The following SORBS3 variants were observed in gnomAD, a reference collection of about 807,000 sequenced individuals.
SORBS3 encodes vinexin.
SORBS3 carries 69 observed loss-of-function variants against 98.0 expected under a neutral mutation model. That is an observed-to-expected ratio of 0.70 (90% CI 0.58 to 0.86). The LOEUF (loss-of-function observed/expected upper bound fraction) is 0.86, where lower values mean the gene tolerates loss of function less well. Ranked by LOEUF, SORBS3 falls within the 40% of genes least tolerant of loss-of-function variation. The pLI is 0.00. For synonymous variants in SORBS3, 394 were observed against 355.4 expected, an observed-to-expected ratio of 1.11 and a Z score of -1.22; for missense variants, 954 against 908.5, an observed-to-expected ratio of 1.05 and a Z score of -0.64.
rs753608739 is a variant in SORBS3, at chr8:22,554,651, G to C, written c.102+43G>C. Reference sequence around the variant, plus strand: ...GAGGAGGGTGTCCTGCGGGCCCGGAGTTGGTTGGGACGCTAGCAGGTCAGG... The same window carrying C: ...GAGGAGGGTGTCCTGCGGGCCCGGACTTGGTTGGGACGCTAGCAGGTCAGG... On this transcript the variant is annotated intron_variant, in intron 2 of 20. Transcript: ENST00000240123. The surrounding 1 kb of genome is among the most constrained non-coding windows in gnomAD (Gnocchi z 6.5). 1.3e-6 allele frequency: 2 copies of C among 1,571,698 alleles called. No homozygotes were observed. Among genetic ancestry groups the C allele is most frequent in the Non-Finnish European group, 1.7e-6 (2 of 1,162,326 alleles).
upstream of SORBS3, among the ~76,000 whole-genome samples, chr8:22,551,371 A>AT (rs1840078075): frequency 6.6e-6 from 1 of 150,926 alleles, no homozygotes; most frequent in East Asian, 2.0e-4. The surrounding 1 kb of genome is among the most constrained non-coding windows in gnomAD (Gnocchi z 5.8). Flanking sequence ...GGGCGCCCTC[A>AT]TCTCGCTCCC....
intron 12 of SORBS3, 77 bp from the exon 13 acceptor site, chr8:22,566,268 G>T (rs1188575104): frequency 8.0e-6 from 12 of 1,505,340 alleles, no homozygotes; most frequent in African/African-American, 2.8e-5. Context: ...GGCGATGGGG[G>T]GTCAGAGCGG....
chr8:22,551,487 C>T (rs147390393), upstream of SORBS3, among the ~76,000 whole-genome samples: 450 of 152,270 alleles, frequency 3.0e-3, 3 homozygotes, highest in African/African-American at 0.01. The surrounding 1 kb of genome is among the most constrained non-coding windows in gnomAD (Gnocchi z 5.8). Context: ...GCTGCGAGGC[C>T]GCTCGCTTCC....
At chr8:22,566,753 C>T (rs1840434144) in intron 14 of SORBS3, 40 bp downstream of exon 14, 2 of 1,613,432 alleles carry the variant, frequency 1.2e-6, no homozygotes, top group Admixed American at 1.7e-5. Context: ...GGAGTGGTCC[C>T]AAGGCTGCCA....
chr8:22,561,717 C>T (rs924565402), intron 6 of SORBS3, 148 bp from the exon 7 acceptor site: 1 of 709,386 alleles, frequency 1.4e-6, no homozygotes. Context: ...GTTCAGTGTC[C>T]CTGAGCACCA....
chr8:22,557,221 G>C (rs1349574965), intron 4 of SORBS3, among the ~76,000 whole-genome samples: 1 of 151,508 alleles, frequency 6.6e-6, no homozygotes, highest in Non-Finnish European at 1.5e-5. Context: ...CATATCCCCA[G>C]GGCCTGTCAC....
At chr8:22,556,287 T>C (rs1840181576) in intron 3 of SORBS3, among the ~76,000 whole-genome samples, 2 of 152,122 alleles carry the variant, frequency 1.3e-5, no homozygotes, top group African/African-American at 4.8e-5. Context: ...TTTACAGAAG[T>C]GGAAACTGAG....
intron 18 of SORBS3, 169 bp from the exon 19 acceptor site, chr8:22,571,549 T>G: frequency 1.6e-6 from 1 of 620,368 alleles, no homozygotes; most frequent in Non-Finnish European, 2.9e-6. Context: ...AATGAAATAG[T>G]CACAGCAGGT....
rs1241001379 is a variant in SORBS3, at chr8:22,564,363, G to A, written c.756G>A (p.Gly252=). The change falls in exon 9 of 21, where the codon GGG becomes GGA. Residue 252 remains glycine, a synonymous_variant. Coordinates refer to ENST00000240123, the MANE Select transcript of SORBS3 (RefSeq NM_005775.5). ...AGTTTCTGCAGGAACTAGAGACTGG[G>A]CAGAGGGTGAGTGCTGGCTGGCTCT... ...WNQFLQELET[G]QRPKKPLVDD... 5 of 1,614,066 alleles carry A rather than the reference G, an allele frequency of 3.1e-6. No individual in the cohort carries two copies. The highest frequency in any genetic ancestry group is 4.2e-6 in the Non-Finnish European group (5 of 1,179,952).
Position 22,554,468 on chromosome 8 carries a change from C to G in SORBS3, c.-39C>G, listed in dbSNP as rs1840144904. 1 of 1,596,276 alleles carries G rather than the reference C, an allele frequency of 6.3e-7. No individual in the cohort carries two copies. On this transcript the variant is annotated 5_prime_UTR_variant, in exon 2 of 21. Transcript: ENST00000240123. This position sits in a 1 kb window ranked among gnomAD's most constrained non-coding sequence, Gnocchi z 6.5. ...TCCCCACAGAGGACACGCAGAGGAG[C>G]AGCTGGCTTGCCCGGAGTCCTCCCA... is the stretch of plus-strand genomic sequence containing the variant.
At chr8:22,563,101 A>T (rs1234019067) in intron 7 of SORBS3, among the ~76,000 whole-genome samples, 1 of 152,050 alleles carries the variant, frequency 6.6e-6, no homozygotes, top group Admixed American at 6.5e-5. Context: ...CCTGGGCGAC[A>T]GAGCGAGACT....
rs546380605 is a variant in SORBS3, at chr8:22,566,026, C to T, written c.950+154C>T. 7.6e-4 allele frequency: 455 copies of T among 596,352 alleles called. 5 individuals are homozygous for T. In the East Asian group the frequency reaches 0.016, roughly 21 times the overall value. The allele number at this position is 596,352 out of a possible 1,614,324, so 36.9% of individuals were successfully genotyped here. On this transcript the variant is annotated intron_variant, in intron 12 of 20. Coordinates refer to ENST00000240123, the MANE Select transcript of SORBS3 (RefSeq NM_005775.5). ...GTGTCCGGGAGGGACCGCAGCGCCA[C>T]TCTCTGCGGGGCGCCGTTCCCGCGC...
intron 5 of SORBS3, 103 bp downstream of exon 5, chr8:22,558,295 C>T: frequency 5.9e-6 from 6 of 1,008,624 alleles, no homozygotes; most frequent in Non-Finnish European, 9.4e-6. Context: ...TCAAGGGGTT[C>T]TTCTCCACCT....
chr8:22,556,995 C>T, intron 4 of SORBS3, 87 bp downstream of exon 4: 42 of 1,441,414 alleles, frequency 2.9e-5, no homozygotes, highest in Non-Finnish European at 3.9e-5. Context: ...GGGGGTGGGG[C>T]AATAAAGGCC....
At chr8:22,550,698 G>A (rs1029265197), upstream of SORBS3, among the ~76,000 whole-genome samples, 5 of 152,222 alleles carry the variant, frequency 3.3e-5, no homozygotes, top group Non-Finnish European at 7.3e-5. Flanking sequence ...TGAGTGGTGA[G>A]CTTGGAAAAC....
chr8:22,549,471 T>C (rs1840051188), upstream of SORBS3, among the ~76,000 whole-genome samples: 1 of 152,158 alleles, frequency 6.6e-6, no homozygotes. Flanking sequence ...TTTTCCCCCC[T>C]TAATCTACTT....
chr8:22,559,959 C>G (rs1339313489), intron 5 of SORBS3, among the ~76,000 whole-genome samples: 11 of 150,862 alleles, frequency 7.3e-5, no homozygotes, highest in Admixed American at 7.3e-4. Context: ...CCTAGCTACT[C>G]CAGAGGCTGA....
At chr8:22,560,123 C>T (rs1216856937) in intron 5 of SORBS3, among the ~76,000 whole-genome samples, 1 of 151,004 alleles carries the variant, frequency 6.6e-6, no homozygotes, top group East Asian at 1.9e-4. Context: ...AGTGGGGAAA[C>T]TTTAAACTTT....
intron 7 of SORBS3, 52 bp downstream of exon 7, chr8:22,561,983 A>G: frequency 6.4e-7 from 1 of 1,555,792 alleles, no homozygotes; most frequent in Non-Finnish European, 8.9e-7. Flanking sequence ...GGCCCGCGAG[A>G]CACCATGGGA....
Sources: gnomAD v4.1 joint callset for allele counts (sites outside exome capture counted in the v4.1 genomes callset) on GRCh38, gnomAD v4.1.1 for gene constraint, Gnocchi (gnomAD v3.1) non-coding constraint, MANE v1.5 for transcripts, NCBI Gene and HGNC (gene_info 2026-07-23, HGNC 2026-07-21) for gene names.